The following ZKSCAN1 variants were observed in gnomAD, a reference collection of about 807,000 sequenced individuals.
ZKSCAN1 encodes zinc finger with KRAB and SCAN domains 1.
ZKSCAN1 carries 14 observed loss-of-function variants against 51.6 expected under a neutral mutation model. The observed-to-expected ratio is 0.27, with a 90% CI of 0.18 to 0.42. The LOEUF is 0.42. Ranked by LOEUF, ZKSCAN1 falls within the 10% of genes least tolerant of loss-of-function variation. ZKSCAN1 has a pLI of 1.00. For missense variants in ZKSCAN1, 531 were observed against 710.0 expected (o/e 0.75, Z 2.86); for synonymous variants, 263 against 261.5 (o/e 1.01, Z -0.06).
rs1230520896 is a variant in ZKSCAN1 at position 100,038,805 on chromosome 7, C to T, written c.*4608C>T. On this transcript the variant is annotated 3_prime_UTR_variant, in exon 6 of 6. Transcript: ENST00000324306. ...GGTCAGGAGATCGAGACCATCCTGGCTAACATGGCGAAACCCCGTCTCTAC... is the reference window on the plus strand; with the variant it reads ...GGTCAGGAGATCGAGACCATCCTGGTTAACATGGCGAAACCCCGTCTCTAC... The T allele has an allele frequency of 3.5e-6, 3 of 864,768 alleles. No individual in the cohort carries two copies. The highest frequency in any genetic ancestry group is 1.8e-5 in the African/African-American group (1 of 54,646). 53.6% of individuals were successfully genotyped at this position (864,768 alleles called of 1,614,324 possible).
chr7:100,032,283 A>T (rs1040788502), intron 5 of ZKSCAN1, among the ~76,000 whole-genome samples: 1 of 152,148 alleles, frequency 6.6e-6, no homozygotes, highest in Non-Finnish European at 1.5e-5. Flanking sequence ...AAACCTTCCA[A>T]TTAATTATCA....
chr7:100,033,614 T>C lies in ZKSCAN1; in HGVS notation c.1109T>C (p.Val370Ala). The C allele has an allele frequency of 6.2e-7, 1 of 1,614,114 alleles. No homozygotes were observed. Among genetic ancestry groups the C allele is most frequent in the Non-Finnish European group, 8.5e-7 (1 of 1,180,004 alleles). The change falls in exon 6 of 6, where the codon GTT becomes GCT. Residue 370 changes from valine to alanine, a missense_variant. By Grantham distance (64) the Val-to-Ala change is moderately conservative (BLOSUM62 0). Coordinates refer to ENST00000324306, the MANE Select transcript of ZKSCAN1 (RefSeq NM_003439.4). This position sits in a 1 kb window ranked among gnomAD's most constrained non-coding sequence, Gnocchi z 4.1. ...LSSNFTTPEE[V>A]PTGTKSHRCD... The stretch of plus-strand genomic sequence containing the variant: ...TCCAACTTCACCACCCCTGAAGAAG[T>C]TCCCACGGGAACAAAGTCTCACAGA...
At chr7:100,043,759 TTTTC>T (rs1162659758), downstream of ZKSCAN1, among the ~76,000 whole-genome samples, 1 of 149,514 alleles carries the variant, frequency 6.7e-6, no homozygotes, top group Non-Finnish European at 1.5e-5. Context: ...TTTCTTTTTC[TTTTC>T]TTTCTTGATT....
At chr7:100,026,501 G>A (rs1371291966) in intron 3 of ZKSCAN1, among the ~76,000 whole-genome samples, 1 of 152,118 alleles carries the variant, frequency 6.6e-6, no homozygotes. Context: ...TCCAAGGTGG[G>A]CGGATTACTT....
intron 3 of ZKSCAN1, among the ~76,000 whole-genome samples, chr7:100,028,076 T>C (rs1790920894): frequency 6.6e-6 from 1 of 152,048 alleles, no homozygotes; most frequent in African/African-American, 2.4e-5. Flanking sequence ...TACTTGGGGC[T>C]GGGCGCAGTG....
intron 1 of ZKSCAN1, among the ~76,000 whole-genome samples, chr7:100,018,968 G>A (rs1790487116): frequency 6.6e-6 from 1 of 152,210 alleles, no homozygotes; most frequent in African/African-American, 2.4e-5. Context: ...GACCCAAGAA[G>A]TGTCCTGCTC....
chr7:100,029,977 C>A, intron 4 of ZKSCAN1, 25 bp downstream of exon 4: 3 of 1,611,544 alleles, frequency 1.9e-6, no homozygotes, highest in Non-Finnish European at 2.5e-6. Flanking sequence ...CTCTGCTCTC[C>A]TGAGTCCTCA....
rs1791550456 is a variant in ZKSCAN1, at chr7:100,040,538, G to C, written c.*6341G>C. On this transcript the variant is annotated 3_prime_UTR_variant, in exon 6 of 6. Transcript: ENST00000324306. ...ATTTAAAAACTTGGATTTCATTCCA[G>C]TGTCAGGTTTGGGTTTTAAGTTCCT... 1 of 985,454 alleles carries C rather than the reference G, an allele frequency of 1.0e-6. No homozygotes were observed. 61.0% of individuals were successfully genotyped at this position (985,454 alleles called of 1,614,324 possible).
At chr7:100,030,938 T>C (rs1791078908) in intron 5 of ZKSCAN1, among the ~76,000 whole-genome samples, 2 of 152,216 alleles carry the variant, frequency 1.3e-5, no homozygotes. Context: ...CCAAACTTAA[T>C]GGTGATTTTC....
chr7:100,023,380 G>C, intron 1 of ZKSCAN1, 39 bp from the exon 2 acceptor site: 1 of 1,087,002 alleles, frequency 9.2e-7, no homozygotes, highest in Non-Finnish European at 1.3e-6. Flanking sequence ...ATCACTTTTT[G>C]TAAAGGTACG....
Position 100,037,369 on chromosome 7 carries a change from G to A in ZKSCAN1, c.*3172G>A, listed in dbSNP as rs964053351. On this transcript the variant is annotated 3_prime_UTR_variant, in exon 6 of 6. Transcript: ENST00000324306. Reference sequence around the variant, plus strand: ...TTTCTACTCCAGCCTGGCAGGCAAGGCTAAAACCTGAGATTATCGATCTAT... The same window carrying A: ...TTTCTACTCCAGCCTGGCAGGCAAGACTAAAACCTGAGATTATCGATCTAT... 2 of 985,276 alleles carry A rather than the reference G, an allele frequency of 2.0e-6. No individual in the cohort carries two copies. The highest frequency in any genetic ancestry group is 2.4e-6 in the Non-Finnish European group (2 of 829,940). The allele number at this position is 985,276 out of a possible 1,614,324, so 61.0% of individuals were successfully genotyped here.
intron 3 of ZKSCAN1, 59 bp downstream of exon 3, chr7:100,024,366 C>T: frequency 1.3e-6 from 2 of 1,578,468 alleles, no homozygotes; most frequent in Non-Finnish European, 1.7e-6. Flanking sequence ...AGTCTTTGTG[C>T]TGCTGAGTGC....
Position 100,023,401 on chromosome 7 carries a change from T to C in ZKSCAN1, c.-88-18T>C. The C allele has an allele frequency of 1.7e-6, 2 of 1,156,240 alleles. No individual in the cohort carries two copies. The highest frequency in any genetic ancestry group is 1.6e-5 in the South Asian group (1 of 61,578). The allele number at this position is 1,156,240 out of a possible 1,614,324, so 71.6% of individuals were successfully genotyped here. A position where few individuals can be genotyped will look rare whatever the true frequency, so the allele number is the denominator to read the frequency against. The stretch of plus-strand genomic sequence containing the variant: ...TTTTGTAAAGGTACGTACTAATGAC[T>C]TTTTTTTTATACTTCAGGAATAGTA... On this transcript the variant is annotated intron_variant, in intron 1 of 5. Transcript: ENST00000324306.
chr7:100,033,514 G>A lies in ZKSCAN1; in HGVS notation c.1009G>A (p.Asp337Asn), dbSNP rs1584347965. The change falls in exon 6 of 6, where the codon GAC (aspartate) becomes AAC (asparagine). Residue 337 changes from aspartate (D) to asparagine (N), a missense_variant. By Grantham distance (23) the Asp-to-Asn change is conservative. Transcript: ENST00000324306. The surrounding 1 kb of genome is among the most constrained non-coding windows in gnomAD (Gnocchi z 4.1). The part of the protein sequence containing the change: ...KRDSGPAIGK[D>N]KKTITGERGP... Reference sequence around the variant, plus strand: ...AGATTCAGGGCCAGCTATAGGAAAGGACAAAAAAACCATCACAGGAGAGAG... The same window carrying A: ...AGATTCAGGGCCAGCTATAGGAAAGAACAAAAAAACCATCACAGGAGAGAG... The A allele has an allele frequency of 6.2e-7, 1 of 1,613,876 alleles. No homozygotes were observed. Among genetic ancestry groups the A allele is most frequent in the South Asian group, 1.1e-5 (1 of 91,064 alleles).
Position 100,032,625 on chromosome 7 carries a change from C to T in ZKSCAN1, c.800-680C>T, listed in dbSNP as rs1791156931. Among the ~76,000 whole-genome samples the T allele has an allele frequency of 2.0e-5, 3 of 152,310 alleles. No individual in the cohort carries two copies. The South Asian group carries it at 6.2e-4, about 32-fold the overall frequency. On this transcript the variant is annotated intron_variant, in intron 5 of 5. Coordinates refer to ENST00000324306, the MANE Select transcript of ZKSCAN1 (RefSeq NM_003439.4). ...CCTGTAATCCCATCACTTTGGGAGG[C>T]CAGGGCAGGTGGATCACCTGAGGTC...
At position 100,035,794 on chromosome 7, in the gene ZKSCAN1, G is replaced by A. The variant is rs982721471; in HGVS notation, c.*1597G>A. On this transcript the variant is annotated 3_prime_UTR_variant, in exon 6 of 6. Coordinates refer to ENST00000324306, the MANE Select transcript of ZKSCAN1 (RefSeq NM_003439.4). ...ACTTTCATTGGTCCCATCGTTGTGC[G>A]CAGGGTGCAACTGGCTACCTAGAAG... The A allele has an allele frequency of 5.5e-5, 53 of 968,430 alleles. No homozygotes were observed. Among genetic ancestry groups the A allele is most frequent in the Admixed American group, 1.8e-4 (3 of 16,230 alleles). The allele number at this position is 968,430 out of a possible 1,614,324, so 60.0% of individuals were successfully genotyped here. A position where few individuals can be genotyped will look rare whatever the true frequency, so the allele number is the denominator to read the frequency against.
At chr7:100,016,123 A>G (rs977881192) in intron 1 of ZKSCAN1, among the ~76,000 whole-genome samples, 1 of 151,684 alleles carries the variant, frequency 6.6e-6, no homozygotes, top group Non-Finnish European at 1.5e-5. Flanking sequence ...GATTCCGGTG[A>G]GGTGTCTTTT....
intron 1 of ZKSCAN1, among the ~76,000 whole-genome samples, chr7:100,018,555 A>AT (rs1439366153): frequency 6.6e-6 from 1 of 151,878 alleles, no homozygotes; most frequent in Admixed American, 6.6e-5. Context: ...CACCCAGCTA[A>AT]TTTTTTATAT....
At position 100,036,786 on chromosome 7, in the gene ZKSCAN1, A is replaced by G. The variant is rs1399491674; in HGVS notation, c.*2589A>G. Reference sequence around the variant, plus strand: ...ACTCCAGGCAACGACCCAAGCACTTATTTTTTAAGAGGGAAAGGACTTTGG... The same window carrying G: ...ACTCCAGGCAACGACCCAAGCACTTGTTTTTTAAGAGGGAAAGGACTTTGG... On this transcript the variant is annotated 3_prime_UTR_variant, in exon 6 of 6. Coordinates refer to ENST00000324306, the MANE Select transcript of ZKSCAN1 (RefSeq NM_003439.4). The G allele has an allele frequency of 6.1e-6, 6 of 982,690 alleles. No homozygotes were observed. The highest frequency in any genetic ancestry group is 7.2e-6 in the Non-Finnish European group (6 of 829,436). 60.9% of individuals were successfully genotyped at this position (982,690 alleles called of 1,614,324 possible). A position where few individuals can be genotyped will look rare whatever the true frequency, so the allele number is the denominator to read the frequency against.
Sources: gnomAD v4.1 joint callset for allele counts (sites outside exome capture counted in the v4.1 genomes callset) on GRCh38, gnomAD v4.1.1 for gene constraint, Gnocchi (gnomAD v3.1) non-coding constraint, MANE v1.5 for transcripts, NCBI Gene and HGNC (gene_info 2026-07-23, HGNC 2026-07-21) for gene names.